The following ASIC2 variants were observed in gnomAD, a reference collection of about 807,000 sequenced individuals.
The protein encoded by ASIC2 is acid-sensing ion channel 2.
Under a neutral mutation model 57.3 loss-of-function variants are expected in ASIC2, and 25 were observed. The ratio of observed to expected loss-of-function variants is 0.44; its 90% CI spans 0.32 to 0.61. ASIC2 has a LOEUF of 0.61. ASIC2 is among the 20% of genes least tolerant of loss of function. ASIC2 has a pLI of 0.06. For missense variants in ASIC2, 641 were observed against 738.1 expected (o/e 0.87, Z 1.52); for synonymous variants, 319 against 307.5 (o/e 1.04, Z -0.39).
At chr17:33,447,553 G>A (rs1912072528) in intron 1 of ASIC2, among the ~76,000 whole-genome samples, 1 of 152,190 alleles carries the variant, frequency 6.6e-6, no homozygotes, top group Non-Finnish European at 1.5e-5. Flanking sequence ...GGAGAGGAAA[G>A]CAATAGACCC....
intron 1 of ASIC2, among the ~76,000 whole-genome samples, chr17:33,551,983 A>G (rs949550880): frequency 5.3e-5 from 8 of 152,144 alleles, no homozygotes; most frequent in Admixed American, 2.0e-4. Context: ...GGGAAGATTG[A>G]GAAACTGAAT....
In ASIC2 at chr17:33,957,028, G is replaced by T. The variant is rs71379433; in HGVS notation, c.555+198950C>A. ...CTGGCTCTGACAATCAGAATAATGGGGATTTATTGTCCCTTCTCTCTGCTA... is the reference window on the plus strand; with the variant it reads ...CTGGCTCTGACAATCAGAATAATGGTGATTTATTGTCCCTTCTCTCTGCTA... On this transcript the variant is annotated intron_variant, in intron 1 of 9. Transcript: ENST00000359872. 4.1e-3 allele frequency among the ~76,000 whole-genome samples: 625 copies of T among 152,272 alleles called. 6 individuals carry two copies. Among genetic ancestry groups the T allele is most frequent in the African/African-American group, 0.014 (591 of 41,554 alleles).
chr17:33,521,565 G>C (rs537058658), intron 1 of ASIC2, among the ~76,000 whole-genome samples: 6 of 152,308 alleles, frequency 3.9e-5, no homozygotes, highest in Admixed American at 3.3e-4. Context: ...AGCCCAGCTG[G>C]GGTCCCGTGA....
intron 1 of ASIC2, among the ~76,000 whole-genome samples, chr17:33,772,755 T>C (rs990874105): frequency 2.0e-5 from 3 of 152,190 alleles, no homozygotes; most frequent in Admixed American, 1.3e-4. Context: ...TCCTAAAACC[T>C]GTCTCTTGAG....
chr17:33,816,513 A>C (rs947564948), intron 1 of ASIC2, among the ~76,000 whole-genome samples: 21 of 152,208 alleles, frequency 1.4e-4, no homozygotes, highest in African/African-American at 5.1e-4. Context: ...GGTCATGCAG[A>C]TAGAGGGAAG....
chr17:33,084,145 G>A (rs1186757031), intron 3 of ASIC2, among the ~76,000 whole-genome samples: 1 of 152,104 alleles, frequency 6.6e-6, no homozygotes, highest in Non-Finnish European at 1.5e-5. Flanking sequence ...TTATGTCCTT[G>A]AGTGAGCAGG....
chr17:33,522,169 C>G (rs992396040), intron 1 of ASIC2, among the ~76,000 whole-genome samples: 1 of 152,230 alleles, frequency 6.6e-6, no homozygotes, highest in African/African-American at 2.4e-5. Flanking sequence ...TACCAGGCAG[C>G]CTTGTGCCCT....
chr17:33,783,344 C>A (rs1911513851), intron 1 of ASIC2, among the ~76,000 whole-genome samples: 1 of 152,206 alleles, frequency 6.6e-6, no homozygotes, highest in Admixed American at 6.5e-5. Flanking sequence ...TGTAACATAA[C>A]CTCTCCATGC....
intron 1 of ASIC2, among the ~76,000 whole-genome samples, chr17:33,966,677 T>C (rs1905085382): frequency 6.6e-6 from 1 of 152,188 alleles, no homozygotes; most frequent in Admixed American, 6.5e-5. Flanking sequence ...ATTTTACAGA[T>C]GAAGAGATTA....
chr17:33,600,242 T>C (rs1052652191), intron 1 of ASIC2, among the ~76,000 whole-genome samples: 1 of 152,242 alleles, frequency 6.6e-6, no homozygotes, highest in African/African-American at 2.4e-5. Context: ...AATGGGCTCC[T>C]GATAAAAGGA....
Position 33,894,486 on chromosome 17 carries a change from C to T in ASIC2, c.555+261492G>A, listed in dbSNP as rs141149181. On this transcript the variant is annotated intron_variant, in intron 1 of 9. Transcript: ENST00000359872. ...TGTTCTCTCCTGGGTGCCCTCACCT[C>T]TTCCCTGATGCCACCACTATGAGAG... 9.3e-4 allele frequency among the ~76,000 whole-genome samples: 142 copies of T among 152,190 alleles called. 1 individual carries two copies. In the South Asian group the frequency reaches 0.017, roughly 18 times the overall value.
chr17:33,791,556 T>G (rs1028234628), intron 1 of ASIC2, among the ~76,000 whole-genome samples: 5 of 152,126 alleles, frequency 3.3e-5, no homozygotes, highest in Non-Finnish European at 7.4e-5. Flanking sequence ...ACATTAATAT[T>G]TGACATTTCA....
rs1912288952 is a variant in ASIC2 at position 34,142,186 on chromosome 17, A to AATTTC, written c.555+13791_555+13792insGAAAT. The stretch of plus-strand genomic sequence containing the variant: ...GCATCTCTCAGGGACACCAAGGAAA[A>AATTTC]AGTGGAAACTGAAATTACCTACACA... On this transcript the variant is annotated intron_variant, in intron 1 of 9. Transcript: ENST00000359872. 4.6e-5 allele frequency among the ~76,000 whole-genome samples: 7 copies of AATTTC among 152,178 alleles called. No homozygotes were observed. In the South Asian group the frequency reaches 1.5e-3, roughly 32 times the overall value.
At chr17:33,074,828 A>G (rs1372475773) in intron 3 of ASIC2, among the ~76,000 whole-genome samples, 1 of 152,206 alleles carries the variant, frequency 6.6e-6, no homozygotes, top group Non-Finnish European at 1.5e-5. Context: ...TGCTGCATTT[A>G]GAAAGGTTCT....
chr17:33,083,370 A>G (rs1371214196), intron 3 of ASIC2, among the ~76,000 whole-genome samples: 2 of 152,198 alleles, frequency 1.3e-5, no homozygotes, highest in Non-Finnish European at 1.5e-5. Flanking sequence ...TACCCTTGGA[A>G]GTGTGACAAA....
chr17:33,915,287 G>C (rs1479151311), intron 1 of ASIC2, among the ~76,000 whole-genome samples: 2 of 152,198 alleles, frequency 1.3e-5, no homozygotes, highest in African/African-American at 2.4e-5. Flanking sequence ...TTTGCCAGGG[G>C]CTTCTCAGTT....
intron 1 of ASIC2, among the ~76,000 whole-genome samples, chr17:33,144,943 G>C (rs917375654): frequency 6.6e-6 from 1 of 152,190 alleles, no homozygotes; most frequent in Non-Finnish European, 1.5e-5. Flanking sequence ...TGACAATCAA[G>C]GTTGTCTCCT....
At chr17:33,463,599 A>G (rs972160664) in intron 1 of ASIC2, among the ~76,000 whole-genome samples, 2 of 152,206 alleles carry the variant, frequency 1.3e-5, no homozygotes, top group Non-Finnish European at 2.9e-5. Flanking sequence ...TACTCCATGC[A>G]ATCTGCCTGC....
intron 1 of ASIC2, among the ~76,000 whole-genome samples, chr17:33,681,469 G>T (rs1257776474): frequency 7.1e-6 from 1 of 140,966 alleles, no homozygotes; most frequent in Admixed American, 6.9e-5. Context: ...TATGTGGGTT[G>T]GGAACTACCA....
Sources: allele counts gnomAD v4.1 joint callset (sites outside exome capture counted in the v4.1 genomes callset), GRCh38; gene constraint gnomAD v4.1.1; transcripts MANE v1.5; gene names NCBI Gene and HGNC (gene_info 2026-07-23, HGNC 2026-07-21).